MACROD2: variants seen among roughly 807,000 people sequenced by gnomAD.
MACROD2 encodes ADP-ribose glycohydrolase MACROD2.
In MACROD2, 36 loss-of-function variants were observed where a neutral mutation model predicts 70.4. That is an observed-to-expected ratio of 0.51 (90% confidence interval 0.39 to 0.68). The LOEUF (loss-of-function observed/expected upper bound fraction) is 0.68. Ranked by LOEUF, MACROD2 falls within the 30% of genes least tolerant of loss-of-function variation. The probability of loss-of-function intolerance (pLI) is 0.00; values close to 1 mark genes in which losing one functional copy is unlikely to be tolerated. For synonymous variants in MACROD2, 172 were observed against 178.8 expected (o/e 0.96, Z 0.30); for missense variants, 496 against 538.4 (o/e 0.92, Z 0.78).
rs573459421 is a variant in MACROD2 at position 13,997,914 on chromosome 20, A to G, written c.46+2105A>G. Among the ~76,000 whole-genome samples the G allele has an allele frequency of 3.3e-5, 5 of 152,266 alleles. 1 individual carries two copies. The highest frequency in any genetic ancestry group is 3.3e-4 in the Admixed American group (5 of 15,296). ...TCTAGTACCATAGTTAGTATTAGAG[A>G]AGCTGATGGGATGCATGACCTTTTT... On this transcript the variant is annotated intron_variant, in intron 1 of 17. Coordinates refer to ENST00000684519, the MANE Select transcript of MACROD2 (RefSeq NM_001351661.2).
chr20:14,757,913 A>T (rs1179921710), intron 5 of MACROD2: 13 of 1,242,868 alleles, frequency 1.0e-5, no homozygotes, highest in Middle Eastern at 5.2e-4. Flanking sequence ...AAGACTCACA[A>T]GAGGGAAAGC....
Position 15,862,788 on chromosome 20 carries a change from A to G in MACROD2, c.689A>G (p.Lys230Arg). The part of the protein sequence containing the change: ...IFCVFLEVDF[K>R]IYKKKMNEFF... ...TGTGTCTTCTTAGAAGTTGACTTCA[A>G]AATCTACAAAAAGAAAATGAATGAG... is the stretch of plus-strand genomic sequence containing the variant. Residue 230 changes from lysine (K) to arginine (R), a missense_variant, in exon 9 of 18, where the codon AAA becomes AGA. Lys to Arg is a conservative substitution (Grantham distance 26). Coordinates refer to ENST00000684519, the MANE Select transcript of MACROD2 (RefSeq NM_001351661.2). The G allele has an allele frequency of 6.2e-7, 1 of 1,613,108 alleles. No homozygotes were observed. Among genetic ancestry groups the G allele is most frequent in the Non-Finnish European group, 8.5e-7 (1 of 1,179,582 alleles).
intron 8 of MACROD2, among the ~76,000 whole-genome samples, chr20:15,700,577 T>C (rs1372301097): frequency 6.6e-6 from 1 of 152,250 alleles, no homozygotes; most frequent in East Asian, 1.9e-4. Flanking sequence ...GGCATATTTA[T>C]TTACATAAAG....
intron 1 of MACROD2, among the ~76,000 whole-genome samples, chr20:13,999,702 A>G (rs2052707408): frequency 6.6e-6 from 1 of 152,246 alleles, no homozygotes; most frequent in African/African-American, 2.4e-5. Flanking sequence ...GGAAACTGAA[A>G]CATAAAGAGG....
At chr20:14,532,437 A>T (rs574406037) in intron 4 of MACROD2, among the ~76,000 whole-genome samples, 2 of 149,394 alleles carry the variant, frequency 1.3e-5, no homozygotes, top group South Asian at 2.1e-4. Context: ...GTTAGCCAGG[A>T]TGGTCTCGAA....
At position 15,570,765 on chromosome 20, in the gene MACROD2, G is replaced by A. The variant is rs542469996; in HGVS notation, c.645+70918G>A. Among the ~76,000 whole-genome samples, 12 of 152,242 alleles carry A rather than the reference G, an allele frequency of 7.9e-5. No homozygotes were observed. In the East Asian group the frequency reaches 1.2e-3, roughly 15 times the overall value. ...TCCTCAAAAATCCTCAGATTCACTC[G>A]AATTGGACCAATTTAGGTCACATGC... On this transcript the variant is annotated intron_variant, in intron 8 of 17. Transcript: ENST00000684519.
intron 5 of MACROD2, among the ~76,000 whole-genome samples, chr20:14,685,508 C>T (rs990176363): frequency 3.3e-5 from 5 of 152,144 alleles, no homozygotes; most frequent in Admixed American, 6.5e-5. Context: ...TCTTTGAATG[C>T]GGAATGGTCA....
chr20:15,491,645 G>A (rs960231938), intron 7 of MACROD2, among the ~76,000 whole-genome samples: 1 of 152,216 alleles, frequency 6.6e-6, no homozygotes, highest in East Asian at 1.9e-4. Context: ...GGGAGCTGAG[G>A]TGTTAGTTAA....
intron 6 of MACROD2, among the ~76,000 whole-genome samples, chr20:15,377,738 G>A (rs1054014021): frequency 3.3e-5 from 5 of 152,188 alleles, no homozygotes; most frequent in Non-Finnish European, 7.3e-5. Flanking sequence ...ATATACATGG[G>A]AACGAATGCC....
intron 5 of MACROD2, among the ~76,000 whole-genome samples, chr20:14,760,029 G>A (rs2071993447): frequency 2.0e-5 from 3 of 152,092 alleles, no homozygotes; most frequent in African/African-American, 7.3e-5. Context: ...TAAGGGAAGT[G>A]CTTACCTGGG....
intron 3 of MACROD2, among the ~76,000 whole-genome samples, chr20:14,169,531 C>T (rs1407790931): frequency 1.3e-5 from 2 of 151,944 alleles, no homozygotes; most frequent in African/African-American, 4.8e-5. Context: ...CTTGAACTCC[C>T]AACCTCAGGT....
At chr20:14,985,593 G>A (rs979381723) in intron 5 of MACROD2, among the ~76,000 whole-genome samples, 1 of 151,844 alleles carries the variant, frequency 6.6e-6, no homozygotes, top group African/African-American at 2.4e-5. Flanking sequence ...CTCAGCTGTT[G>A]GCAAGATGGA....
At chr20:14,623,588 T>C (rs1482600344) in intron 4 of MACROD2, among the ~76,000 whole-genome samples, 1 of 152,178 alleles carries the variant, frequency 6.6e-6, no homozygotes, top group Non-Finnish European at 1.5e-5. Context: ...CTCAGAGAAG[T>C]TGTGTTGGTA....
chr20:14,705,730 T>C (rs549752411), intron 5 of MACROD2, among the ~76,000 whole-genome samples: 1 of 152,332 alleles, frequency 6.6e-6, no homozygotes, highest in South Asian at 2.1e-4. Context: ...TAATAAGGAC[T>C]TTAATTCTAA....
At chr20:14,008,071 A>G (rs2052847199) in intron 2 of MACROD2, among the ~76,000 whole-genome samples, 2 of 152,220 alleles carry the variant, frequency 1.3e-5, no homozygotes, top group Non-Finnish European at 2.9e-5. Flanking sequence ...CAAGACAAAG[A>G]TGGCCTCTCT....
chr20:14,597,538 TA>T (rs1196039137), intron 4 of MACROD2, among the ~76,000 whole-genome samples: 1 of 152,156 alleles, frequency 6.6e-6, no homozygotes, highest in South Asian at 2.1e-4. Context: ...CTTTGAAAAT[TA>T]AGCTTCTAAC....
At chr20:15,614,653 T>C (rs2049013906) in intron 8 of MACROD2, among the ~76,000 whole-genome samples, 1 of 152,222 alleles carries the variant, frequency 6.6e-6, no homozygotes, top group South Asian at 2.1e-4. Context: ...AAAAAAGTAT[T>C]GTATACAAAA....
chr20:14,240,209 G>C (rs904854827), intron 3 of MACROD2, among the ~76,000 whole-genome samples: 1 of 152,160 alleles, frequency 6.6e-6, no homozygotes, highest in African/African-American at 2.4e-5. Context: ...CAAGGTTGTA[G>C]AGTAAAGGGA....
In MACROD2 at chr20:15,393,011, C is replaced by G. The variant is rs544718400; in HGVS notation, c.541-38394C>G. Among the ~76,000 whole-genome samples the G allele has an allele frequency of 2.0e-5, 3 of 152,052 alleles. No homozygotes were observed. In the South Asian group the frequency reaches 6.3e-4, roughly 32 times the overall value. Reference sequence around the variant, plus strand: ...AAGGGTGGCGGCAATGTGGCTGCAACAGTGCCAGGTGAGCAACCCATGTCC... The same window carrying G: ...AAGGGTGGCGGCAATGTGGCTGCAAGAGTGCCAGGTGAGCAACCCATGTCC... On this transcript the variant is annotated intron_variant, in intron 6 of 17. Transcript: ENST00000684519.
Sources: allele counts gnomAD v4.1 joint callset (sites outside exome capture counted in the v4.1 genomes callset), GRCh38; gene constraint gnomAD v4.1.1; transcripts MANE v1.5; gene names NCBI Gene and HGNC (gene_info 2026-07-23, HGNC 2026-07-21).